PRRC2C: variants seen among roughly 807,000 people sequenced by gnomAD.
PRRC2C encodes protein PRRC2C.
In PRRC2C, 72 loss-of-function variants were observed where a neutral mutation model predicts 317.2. The ratio of observed to expected loss-of-function variants is 0.23; its 90% CI spans 0.19 to 0.28. The LOEUF (loss-of-function observed/expected upper bound fraction) is 0.28, where lower values mean the gene tolerates loss of function less well. PRRC2C is among the 10% of genes least tolerant of loss of function. The pLI, the probability that PRRC2C is intolerant of heterozygous loss-of-function variation, is 1.00. For missense variants in PRRC2C, 3,074 were observed against 3,459.7 expected, an observed-to-expected ratio of 0.89 and a Z score of 2.80; for synonymous variants, 1,296 against 1,205.9, an observed-to-expected ratio of 1.07 and a Z score of -1.55.
chr1:171,509,175 G>A (rs1475449926), intron 1 of PRRC2C, among the ~76,000 whole-genome samples: 1 of 152,178 alleles, frequency 6.6e-6, no homozygotes, highest in Non-Finnish European at 1.5e-5. Flanking sequence ...CAAAGCCACC[G>A]TGCCCGGCCC....
chr1:171,546,976 C>T (rs1402598416), intron 17 of PRRC2C, among the ~76,000 whole-genome samples: 1 of 152,018 alleles, frequency 6.6e-6, no homozygotes, highest in East Asian at 1.9e-4. Flanking sequence ...CCTGTCATCC[C>T]AGCACTTTGG....
chr1:171,562,106 C>T (rs184980376), intron 20 of PRRC2C, among the ~76,000 whole-genome samples: 4 of 152,252 alleles, frequency 2.6e-5, no homozygotes, highest in Non-Finnish European at 4.4e-5. Flanking sequence ...AGGGTGACCA[C>T]GAAAGCCTAC....
Position 171,517,813 on chromosome 1 carries a change from A to C in PRRC2C, c.749A>C (p.Tyr250Ser). 2 of 1,609,258 alleles carry C rather than the reference A, an allele frequency of 1.2e-6. No individual in the cohort carries two copies. The highest frequency in any genetic ancestry group is 1.7e-6 in the Non-Finnish European group (2 of 1,177,132). The change falls in exon 6 of 35, where the codon TAT (tyrosine) becomes TCT (serine). Residue 250 changes from tyrosine (Y) to serine (S), a missense_variant and splice_region_variant. Coordinates refer to ENST00000647382, the MANE Select transcript of PRRC2C (RefSeq NM_001387844.1). ...ASQYRAMMPP[Y>S]MFQQYPRMTY... ...CAGTATAGAGCTATGATGCCTCCTT[A>C]TGTGAGTATTGTTAAATGAACAAGC...
chr1:171,504,087 A>G (rs1200643895), intron 1 of PRRC2C, among the ~76,000 whole-genome samples: 5 of 152,130 alleles, frequency 3.3e-5, no homozygotes, highest in African/African-American at 4.8e-5. Context: ...GTATCTTCAT[A>G]TGCTTACTTA....
At chr1:171,568,058 G>A (rs574139106) in intron 22 of PRRC2C, among the ~76,000 whole-genome samples, 189 bp from the exon 23 acceptor site, 5 of 152,220 alleles carry the variant, frequency 3.3e-5, no homozygotes, top group South Asian at 4.2e-4. Flanking sequence ...GGTGGCGCAC[G>A]CCTGTAATCC....
intron 20 of PRRC2C, 72 bp downstream of exon 20, chr1:171,561,175 G>C: frequency 7.3e-7 from 1 of 1,365,912 alleles, no homozygotes; most frequent in Non-Finnish European, 1.0e-6. Flanking sequence ...GGGTGTGGTG[G>C]CTTACACCTG....
At chr1:171,550,547 T>G (rs150483289) in intron 18 of PRRC2C, among the ~76,000 whole-genome samples, 1 of 151,678 alleles carries the variant, frequency 6.6e-6, no homozygotes, top group African/African-American at 2.4e-5. Context: ...ATACATGTGC[T>G]ATGTTGGTGT....
At chr1:171,552,716 A>G (rs981515662) in intron 18 of PRRC2C, among the ~76,000 whole-genome samples, 4 of 152,156 alleles carry the variant, frequency 2.6e-5, no homozygotes, top group Non-Finnish European at 5.9e-5. Flanking sequence ...ATCTATTGAG[A>G]TAATCATGTG....
chr1:171,559,681 C>G (rs1682274575), intron 19 of PRRC2C, among the ~76,000 whole-genome samples: 1 of 151,982 alleles, frequency 6.6e-6, no homozygotes, highest in Non-Finnish European at 1.5e-5. Flanking sequence ...GTCACCATGC[C>G]TGGCTAATTT....
intron 11 of PRRC2C, among the ~76,000 whole-genome samples, chr1:171,528,580 C>T (rs913671740): frequency 5.3e-5 from 8 of 152,232 alleles, no homozygotes; most frequent in South Asian, 2.1e-4. Context: ...CGTGAGCCAC[C>T]GCGCCCGGCC....
At chr1:171,490,532 G>T (rs761922285) in intron 1 of PRRC2C, among the ~76,000 whole-genome samples, 4 of 152,190 alleles carry the variant, frequency 2.6e-5, no homozygotes, top group African/African-American at 9.6e-5. Context: ...ATGATAAACC[G>T]CAAAGGAGTA....
intron 20 of PRRC2C, among the ~76,000 whole-genome samples, chr1:171,563,348 G>A (rs1235111724): frequency 6.6e-6 from 1 of 152,134 alleles, no homozygotes; most frequent in African/African-American, 2.4e-5. Context: ...TAAATGCTAT[G>A]TAAATTGTTG....
Position 171,557,859 on chromosome 1 carries a change from C to T in PRRC2C, c.5747C>T (p.Pro1916Leu). 2 of 1,543,004 alleles carry T rather than the reference C, an allele frequency of 1.3e-6. No individual in the cohort carries two copies. The highest frequency in any genetic ancestry group is 1.8e-6 in the Non-Finnish European group (2 of 1,142,430). ...CCTGCCTCAGCTTCAGCCCCAGCCCCAGCCCCTACCCCAGTCTCAGCCCCA... is the reference window on the plus strand; with the variant it reads ...CCTGCCTCAGCTTCAGCCCCAGCCCTAGCCCCTACCCCAGTCTCAGCCCCA... Reference protein sequence around the residue: ...LAPASASAPAPAPTPVSAPNP... With the variant: ...LAPASASAPALAPTPVSAPNP... The change falls in exon 19 of 35, where the codon CCA becomes CTA. Residue 1916 changes from proline to leucine, a missense_variant. By Grantham distance (98) the Pro-to-Leu change is moderately conservative. Around this residue, in one of 11 missense-constraint regions of PRRC2C, gnomAD observed 640 missense variants for 676.1 expected, o/e 0.95. Transcript: ENST00000647382.
At chr1:171,493,211 C>T (rs1667504398) in intron 1 of PRRC2C, among the ~76,000 whole-genome samples, 1 of 152,138 alleles carries the variant, frequency 6.6e-6, no homozygotes, top group South Asian at 2.1e-4. Context: ...AATTAATATT[C>T]TGACTTTTAA....
At chr1:171,561,165 G>A (rs965942373) in intron 20 of PRRC2C, 62 bp downstream of exon 20, 21 of 1,437,234 alleles carry the variant, frequency 1.5e-5, no homozygotes, top group African/African-American at 8.4e-5. Flanking sequence ...CAGTGTGGCC[G>A]GGTGTGGTGG....
intron 18 of PRRC2C, among the ~76,000 whole-genome samples, chr1:171,551,978 G>GT (rs1194113793): frequency 1.3e-5 from 2 of 152,144 alleles, no homozygotes; most frequent in African/African-American, 4.8e-5. Context: ...CTTTAAAGTA[G>GT]TTTTTTCCAA....
At chr1:171,513,359 C>T in intron 3 of PRRC2C, 187 bp downstream of exon 3, 3 of 715,022 alleles carry the variant, frequency 4.2e-6, no homozygotes, top group Non-Finnish European at 7.1e-6. Context: ...TTCAATTTGT[C>T]AGGGTAGAAC....
At position 171,558,008 on chromosome 1, in the gene PRRC2C, C is replaced by CA; in HGVS notation, c.5899dup (p.Thr1967AsnfsTer3). Reference sequence around the variant, plus strand: ...ACCATCAATTAGGCTGCCTTCAGCTCAAACACCTAATGGCACAGATTATGT... The same window carrying CA: ...ACCATCAATTAGGCTGCCTTCAGCTCAAAACACCTAATGGCACAGATTATGT... On this transcript the variant is annotated frameshift_variant, in exon 19 of 35. Transcript: ENST00000647382. LOFTEE classifies it high-confidence loss of function. The CA allele has an allele frequency of 6.2e-7, 1 of 1,613,982 alleles. No homozygotes were observed. The highest frequency in any genetic ancestry group is 8.5e-7 in the Non-Finnish European group (1 of 1,179,890).
chr1:171,553,479 CT>C (rs1488329547), intron 18 of PRRC2C, among the ~76,000 whole-genome samples: 3 of 151,466 alleles, frequency 2.0e-5, no homozygotes, highest in Non-Finnish European at 2.9e-5. Context: ...CAGTTCTGCT[CT>C]GATCTTAGTT....
Sources: gnomAD v4.1 joint callset for allele counts (sites outside exome capture counted in the v4.1 genomes callset) on GRCh38, gnomAD v4.1.1 for gene constraint, gnomAD v4.1.1 regional missense constraint, MANE v1.5 for transcripts, NCBI Gene and HGNC (gene_info 2026-07-23, HGNC 2026-07-21) for gene names.